ALDH1A2: variants seen among roughly 807,000 people sequenced by gnomAD.
The protein encoded by ALDH1A2 is aldehyde dehydrogenase 1 family member A2.
In ALDH1A2, 27 loss-of-function variants were observed where a neutral mutation model predicts 60.3. The observed-to-expected ratio is 0.45, with a 90% confidence interval of 0.33 to 0.62. ALDH1A2 has a LOEUF of 0.62. ALDH1A2 is among the 20% of genes least tolerant of loss of function. ALDH1A2 has a pLI of 0.02. For synonymous variants in ALDH1A2, 289 were observed against 232.4 expected (o/e 1.24, Z -2.21); for missense variants, 581 against 643.8 (o/e 0.90, Z 1.06).
chr15:58,000,310 AG>A (rs1301303332), intron 4 of ALDH1A2, among the ~76,000 whole-genome samples: 3 of 151,946 alleles, frequency 2.0e-5, no homozygotes, highest in African/African-American at 7.2e-5. Context: ...ACAAGAGCTA[AG>A]CCTTCTGTGG....
chr15:58,014,576 G>A (rs1426949935), intron 1 of ALDH1A2: 2 of 480,312 alleles, frequency 4.2e-6, no homozygotes, highest in African/African-American at 2.0e-5. Flanking sequence ...ATACACTGAT[G>A]CTAAGGCAAG....
At chr15:58,046,217 T>C (rs1896635737) in intron 1 of ALDH1A2, among the ~76,000 whole-genome samples, 1 of 152,058 alleles carries the variant, frequency 6.6e-6, no homozygotes, top group Non-Finnish European at 1.5e-5. Flanking sequence ...GTTGTATTCC[T>C]GTGTTAAAAC....
In ALDH1A2 at chr15:57,955,114, T is replaced by C; in HGVS notation, c.*83A>G. On this transcript the variant is annotated 3_prime_UTR_variant, in exon 13 of 13. Coordinates refer to ENST00000249750, the MANE Select transcript of ALDH1A2 (RefSeq NM_003888.4). ...TTAAGTAAGGACCGTGGCTCAACTT[T>C]GTATTCCTGAGAGCTGGGCCCTACA... is the stretch of plus-strand genomic sequence containing the variant. 7.1e-7 allele frequency: 1 copy of C among 1,408,384 alleles called. No individual in the cohort carries two copies. The highest frequency in any genetic ancestry group is 1.0e-6 in the Non-Finnish European group (1 of 992,488). The allele number at this position is 1,408,384 out of a possible 1,614,324, so 87.2% of individuals were successfully genotyped here. A position where few individuals can be genotyped will look rare whatever the true frequency, so the allele number is the denominator to read the frequency against.
intron 1 of ALDH1A2, among the ~76,000 whole-genome samples, chr15:58,058,644 A>G (rs1896953488): frequency 6.6e-6 from 1 of 152,164 alleles, no homozygotes; most frequent in South Asian, 2.1e-4. Context: ...AAATTCTTCT[A>G]GATAAGAAAC....
At chr15:58,002,875 T>G (rs1426186730) in intron 4 of ALDH1A2, among the ~76,000 whole-genome samples, 1 of 151,890 alleles carries the variant, frequency 6.6e-6, no homozygotes, top group African/African-American at 2.4e-5. Flanking sequence ...GTATGTACTG[T>G]AGCAGATTCC....
At chr15:58,058,114 G>C (rs1475133664) in intron 1 of ALDH1A2, 2 of 1,508,390 alleles carry the variant, frequency 1.3e-6, no homozygotes, top group Non-Finnish European at 1.8e-6. Flanking sequence ...CACACCTAGA[G>C]AAATAAGACT....
chr15:57,983,443 G>A (rs1324951279), intron 7 of ALDH1A2, among the ~76,000 whole-genome samples: 1 of 152,142 alleles, frequency 6.6e-6, no homozygotes, highest in Non-Finnish European at 1.5e-5. Context: ...TTAATGTTAA[G>A]AGAAAAGGAA....
intron 4 of ALDH1A2, among the ~76,000 whole-genome samples, chr15:57,995,643 A>G (rs1895033944): frequency 6.6e-6 from 1 of 152,108 alleles, no homozygotes; most frequent in Admixed American, 6.6e-5. Context: ...CCAGGTGTCA[A>G]AATGTACTTC....
At chr15:58,007,504 G>A (rs1895498842) in intron 4 of ALDH1A2, among the ~76,000 whole-genome samples, 1 of 151,924 alleles carries the variant, frequency 6.6e-6, no homozygotes, top group Non-Finnish European at 1.5e-5. Context: ...CCACTTACTA[G>A]CCATGTGACC....
intron 1 of ALDH1A2, among the ~76,000 whole-genome samples, chr15:58,034,979 G>C (rs747101181): frequency 6.6e-6 from 1 of 151,636 alleles, no homozygotes; most frequent in African/African-American, 2.4e-5. Context: ...GGTAACGATG[G>C]CCTCATAAAA....
intron 1 of ALDH1A2, among the ~76,000 whole-genome samples, chr15:58,056,017 T>G (rs1258009794): frequency 6.6e-6 from 1 of 152,138 alleles, no homozygotes; most frequent in African/African-American, 2.4e-5. Flanking sequence ...AAATGAGTGT[T>G]GTATGTGTGT....
chr15:58,032,989 T>C (rs1896284421), intron 1 of ALDH1A2, among the ~76,000 whole-genome samples: 1 of 151,910 alleles, frequency 6.6e-6, no homozygotes, highest in Non-Finnish European at 1.5e-5. Flanking sequence ...AGCGGTAATG[T>C]AAAATAGATC....
At chr15:58,011,966 C>G (rs1408671354) in intron 3 of ALDH1A2, 1 of 152,158 alleles carries the variant, frequency 6.6e-6, no homozygotes, top group Non-Finnish European at 1.5e-5. Context: ...GTCAAATCCA[C>G]TGACAATTGC....
At position 57,960,804 on chromosome 15, in the gene ALDH1A2, C is replaced by CA; in HGVS notation, c.1449dup (p.Gly484TrpfsTer24). ...CCATTTCCAGACATCTTGAATCCCCCAAAGGGGCTCTGGGCATTTAAGGCA... is the reference window on the plus strand; with the variant it reads ...CCATTTCCAGACATCTTGAATCCCCCAAAAGGGGCTCTGGGCATTTAAGGCA... On this transcript the variant is annotated frameshift_variant, in exon 12 of 13. Transcript: ENST00000249750. LOFTEE classifies it high-confidence loss of function. The CA allele has an allele frequency of 1.9e-6, 3 of 1,614,018 alleles. No individual in the cohort carries two copies. Among genetic ancestry groups the CA allele is most frequent in the Non-Finnish European group, 2.5e-6 (3 of 1,179,930 alleles).
rs573357409 is a variant in ALDH1A2, at chr15:57,984,976, G to C, written c.798+7729C>G. On this transcript the variant is annotated intron_variant, in intron 7 of 12. Coordinates refer to ENST00000249750, the MANE Select transcript of ALDH1A2 (RefSeq NM_003888.4). ...TGCATTCCTGGGATAAATCCCACTT[G>C]GTCATGGTATATAATCATTTTTATA... Among the ~76,000 whole-genome samples the C allele has an allele frequency of 2.8e-4, 42 of 152,070 alleles. 1 individual carries two copies. Among genetic ancestry groups the C allele is most frequent in the Middle Eastern group, 6.8e-3 (2 of 292 alleles).
chr15:58,002,663 A>G (rs1595658215), intron 4 of ALDH1A2, among the ~76,000 whole-genome samples: 1 of 151,384 alleles, frequency 6.6e-6, no homozygotes, highest in Non-Finnish European at 1.5e-5. Context: ...AGAACACTAC[A>G]AGAACTGTAG....
In ALDH1A2 at chr15:57,989,979, G is replaced by A. The variant is rs577335705; in HGVS notation, c.798+2726C>T. On this transcript the variant is annotated intron_variant, in intron 7 of 12. Coordinates refer to ENST00000249750, the MANE Select transcript of ALDH1A2 (RefSeq NM_003888.4). ...CTGCAGTCCGCAGTCCAGCCTGGGC[G>A]ACAGAGCGAGACTCCGTCTCAAAAA... Among the ~76,000 whole-genome samples the A allele has an allele frequency of 2.8e-3, 137 of 49,130 alleles. 1 individual carries two copies. The highest frequency in any genetic ancestry group is 7.1e-3 in the African/African-American group (113 of 15,834). 32.2% of individuals were successfully genotyped at this position (49,130 alleles called of 152,430 possible). A position where few individuals can be genotyped will look rare whatever the true frequency, so the allele number is the denominator to read the frequency against.
intron 4 of ALDH1A2, among the ~76,000 whole-genome samples, chr15:58,006,270 G>A (rs952345743): frequency 6.6e-6 from 1 of 151,874 alleles, no homozygotes; most frequent in Non-Finnish European, 1.5e-5. Flanking sequence ...AAGATATTTG[G>A]TTTTCCATTC....
intron 8 of ALDH1A2, among the ~76,000 whole-genome samples, chr15:57,965,111 GC>G (rs1229010357): frequency 6.6e-6 from 1 of 152,138 alleles, no homozygotes; most frequent in African/African-American, 2.4e-5. Context: ...GGCCTAGGTG[GC>G]ATCCTTCCTA....
Sources: gnomAD v4.1 joint callset for allele counts (sites outside exome capture counted in the v4.1 genomes callset) on GRCh38, gnomAD v4.1.1 for gene constraint, MANE v1.5 for transcripts, NCBI Gene and HGNC (gene_info 2026-07-23, HGNC 2026-07-21) for gene names.